Variants in PCSK6 observed in about 807,000 individuals in gnomAD.
PCSK6 encodes paired basic amino acid cleaving enzyme 4.
PCSK6 carries 85 observed loss-of-function variants against 123.3 expected under a neutral mutation model. The observed-to-expected ratio is 0.69, with a 90% CI of 0.58 to 0.83. The LOEUF is 0.83. PCSK6 is among the 40% of genes least tolerant of loss of function. PCSK6 has a pLI of 0.00. For missense variants in PCSK6, 1,191 were observed against 1,282.3 expected (o/e 0.93, Z 1.09); for synonymous variants, 508 against 516.0 (o/e 0.98, Z 0.21).
chr15:101,431,346 T>TTC lies in PCSK6; in HGVS notation c.629_630dup (p.Asn211GlufsTer18). ...TAATTTGGGGCCAGGTCAGGGTGATTTCTCTCTATGCCATCATCAAGGATG... is the reference window on the plus strand; with the variant it reads ...TAATTTGGGGCCAGGTCAGGGTGATTTCTCTCTCTATGCCATCATCAAGGATG... On this transcript the variant is annotated frameshift_variant, in exon 4 of 22. Transcript: ENST00000611716. LOFTEE classifies it high-confidence loss of function. 6.2e-7 allele frequency: 1 copy of TTC among 1,613,996 alleles called. No individual in the cohort carries two copies. The highest frequency in any genetic ancestry group is 8.5e-7 in the Non-Finnish European group (1 of 1,179,896).
chr15:101,344,180 T>A (rs1214006736), intron 13 of PCSK6, among the ~76,000 whole-genome samples: 1 of 152,248 alleles, frequency 6.6e-6, no homozygotes, highest in Non-Finnish European at 1.5e-5. Context: ...GATATTTGCA[T>A]CTTCTATTAT....
chr15:101,427,623 C>A (rs1387152953), intron 6 of PCSK6, among the ~76,000 whole-genome samples: 2 of 152,218 alleles, frequency 1.3e-5, no homozygotes, highest in Non-Finnish European at 2.9e-5. Context: ...GCCAGGCCAG[C>A]AGGACCAGAG....
chr15:101,397,988 G>A (rs558150843), intron 7 of PCSK6, among the ~76,000 whole-genome samples: 35 of 152,344 alleles, frequency 2.3e-4, no homozygotes, highest in Non-Finnish European at 3.5e-4. Context: ...CATACCCCGC[G>A]ATGAATGCAC....
At chr15:101,322,314 T>C (rs545700216) in intron 18 of PCSK6, among the ~76,000 whole-genome samples, 32 of 152,324 alleles carry the variant, frequency 2.1e-4, no homozygotes, top group Non-Finnish European at 4.3e-4. Flanking sequence ...TCGCCCATGT[T>C]GTGTAAAATG....
Position 101,430,097 on chromosome 15 carries a change from T to C in PCSK6, c.658-34A>G, listed in dbSNP as rs1482775402. On this transcript the variant is annotated intron_variant, in intron 4 of 21. Transcript: ENST00000611716. ...TGGAATCGTGGTGAGTGAGGAGAAA[T>C]GGCATGTGACAGCTCTGTTTGAAAT... The C allele has an allele frequency of 3.8e-6, 6 of 1,562,944 alleles. No individual in the cohort carries two copies. The African/African-American group carries it at 5.4e-5, about 14-fold the overall frequency.
At chr15:101,366,423 G>C (rs1315402785) in intron 12 of PCSK6, 91 bp from the exon 13 acceptor site, 14 of 1,370,132 alleles carry the variant, frequency 1.0e-5, no homozygotes, top group Non-Finnish European at 1.4e-5. Context: ...TCGGGGGACT[G>C]TATGACCTGG....
At chr15:101,399,781 T>C (rs1036661521) in intron 6 of PCSK6, among the ~76,000 whole-genome samples, 8 of 151,798 alleles carry the variant, frequency 5.3e-5, no homozygotes, top group Non-Finnish European at 1.0e-4. Context: ...CGACCCTGGG[T>C]CAACTCTCTT....
intron 9 of PCSK6, among the ~76,000 whole-genome samples, chr15:101,385,683 T>C (rs1291254136): frequency 6.6e-6 from 1 of 152,216 alleles, no homozygotes; most frequent in Admixed American, 6.5e-5. Flanking sequence ...TGTTCCTTTC[T>C]TCTAATCAGT....
At chr15:101,325,366 C>T (rs1050443087) in intron 16 of PCSK6, among the ~76,000 whole-genome samples, 7 of 152,212 alleles carry the variant, frequency 4.6e-5, no homozygotes, top group South Asian at 2.1e-4. Context: ...CTCTCTCGGG[C>T]GCCCTCAGGG....
intron 13 of PCSK6, among the ~76,000 whole-genome samples, chr15:101,348,240 A>G (rs1276975283): frequency 6.6e-6 from 1 of 152,174 alleles, no homozygotes; most frequent in African/African-American, 2.4e-5. Context: ...CCCAGGCTTC[A>G]CCGTGGGGGA....
chr15:101,357,684 G>C (rs1023959874), intron 13 of PCSK6, among the ~76,000 whole-genome samples: 1 of 152,236 alleles, frequency 6.6e-6, no homozygotes, highest in African/African-American at 2.4e-5. Flanking sequence ...GCATGCTCTG[G>C]GGGTAGGTCT....
intron 2 of PCSK6, among the ~76,000 whole-genome samples, chr15:101,439,515 T>C (rs890907875): frequency 6.6e-6 from 1 of 152,214 alleles, no homozygotes; most frequent in South Asian, 2.1e-4. Context: ...GCAAATCCTC[T>C]GGGCCCTGGG....
In PCSK6 at chr15:101,486,380, C is replaced by T. The variant is rs145770039; in HGVS notation, c.297+2994G>A. ...TGCAAGAATGAAGAATGGTTTCTTT[C>T]GTCTTCTCAGATGTGCTGCCATGCA... On this transcript the variant is annotated intron_variant, in intron 1 of 21. Transcript: ENST00000611716. Among the ~76,000 whole-genome samples, 414 of 152,346 alleles carry T rather than the reference C, an allele frequency of 2.7e-3. 4 individuals carry two copies. Among genetic ancestry groups the T allele is most frequent in the African/African-American group, 8.6e-3 (357 of 41,578 alleles).
chr15:101,314,839 C>T (rs538654234), intron 19 of PCSK6, among the ~76,000 whole-genome samples: 4 of 152,288 alleles, frequency 2.6e-5, no homozygotes, highest in East Asian at 3.9e-4. Context: ...AGCTGTGCCC[C>T]GGGGGCGGGA....
At chr15:101,412,825 G>A (rs12916267) in intron 6 of PCSK6, among the ~76,000 whole-genome samples, 47,164 of 151,182 alleles carry the variant, frequency 0.31, 8,045 homozygotes, top group African/African-American at 0.46. Context: ...AGAGTGGACA[G>A]GAGGAGAGGA....
intron 10 of PCSK6, chr15:101,384,003 G>A (rs2041984424): frequency 1.6e-6 from 1 of 616,206 alleles, no homozygotes; most frequent in South Asian, 7.2e-5. Flanking sequence ...CCTAGTAGCT[G>A]CGACTATAGG....
At chr15:101,472,452 G>C (rs942388778) in intron 1 of PCSK6, among the ~76,000 whole-genome samples, 4 of 152,236 alleles carry the variant, frequency 2.6e-5, no homozygotes, top group Admixed American at 2.0e-4. Context: ...CCAAGCTCGA[G>C]ACTTGCAATC....
chr15:101,460,316 G>A (rs896254965), intron 1 of PCSK6, among the ~76,000 whole-genome samples: 1 of 152,118 alleles, frequency 6.6e-6, no homozygotes, highest in Non-Finnish European at 1.5e-5. Context: ...CTTTCGAGAT[G>A]CCACACCATT....
At chr15:101,426,025 T>A (rs1482458130) in intron 6 of PCSK6, among the ~76,000 whole-genome samples, 1 of 152,114 alleles carries the variant, frequency 6.6e-6, no homozygotes, top group African/African-American at 2.4e-5. Flanking sequence ...GGGTGGGGAT[T>A]CTGCATTTCT....
Sources: allele counts gnomAD v4.1 joint callset (sites outside exome capture counted in the v4.1 genomes callset), GRCh38; gene constraint gnomAD v4.1.1; transcripts MANE v1.5; gene names NCBI Gene and HGNC (gene_info 2026-07-23, HGNC 2026-07-21).